The following CD300A variants were observed in gnomAD, a reference collection of about 807,000 sequenced individuals.
The protein encoded by CD300A is CD300a molecule.
A neutral mutation model predicts 33.6 loss-of-function variants in CD300A; 22 were observed. The observed-to-expected ratio is 0.66, with a 90% confidence interval of 0.47 to 0.94. CD300A has a LOEUF of 0.94. CD300A is among the 40% of genes least tolerant of loss of function. The pLI, the probability that CD300A is intolerant of heterozygous loss-of-function variation, is 0.00. For missense variants in CD300A, 326 were observed against 360.5 expected, an observed-to-expected ratio of 0.90 and a Z score of 0.77; for synonymous variants, 136 against 148.1, an observed-to-expected ratio of 0.92 and a Z score of 0.59.
rs191982899 is a variant in CD300A at position 74,473,142 on chromosome 17, G to A, written c.41-394G>A. 2.5e-3 allele frequency among the ~76,000 whole-genome samples: 385 copies of A among 152,204 alleles called. 1 individual carries two copies. The highest frequency in any genetic ancestry group is 4.0e-3 in the Non-Finnish European group (272 of 68,018). On this transcript the variant is annotated intron_variant, in intron 1 of 6. Transcript: ENST00000360141. ...AAGGGTAAGGGAAAGGAGGCAGGGG[G>A]CTGGAGAAAGGGGCTACTATGAGCA...
chr17:74,476,239 C>T (rs999364771), intron 3 of CD300A, among the ~76,000 whole-genome samples: 1 of 152,132 alleles, frequency 6.6e-6, no homozygotes, highest in Non-Finnish European at 1.5e-5. Context: ...CATCTCTTAC[C>T]AAAGTCCAGG....
intron 1 of CD300A, chr17:74,467,077 T>G (rs1598444001): frequency 9.7e-7 from 1 of 1,030,222 alleles, no homozygotes; most frequent in Non-Finnish European, 1.2e-6. Context: ...TCAGGGTGGG[T>G]GGAGAGTGGC....
In CD300A at chr17:74,466,732, T is replaced by C; in HGVS notation, c.29T>C (p.Leu10Pro). 1 of 1,595,068 alleles carries C rather than the reference T, an allele frequency of 6.3e-7. No homozygotes were observed. The highest frequency in any genetic ancestry group is 8.5e-7 in the Non-Finnish European group (1 of 1,170,406). MWLPWALLL[L>P]WVPGCFALSK... is the part of the protein sequence containing the mutation. ...TGGCTGCCTTGGGCTCTGTTGCTTC[T>C]CTGGGTCCCAGGTGAGAGTTTCCCT... The change falls in exon 1 of 7, where the codon CTC (leucine) becomes CCC (proline). Residue 10 changes from leucine to proline, a missense_variant. Leu to Pro is a moderately conservative substitution (Grantham distance 98, BLOSUM62 -3). Coordinates refer to ENST00000360141, the MANE Select transcript of CD300A (RefSeq NM_007261.4).
intron 3 of CD300A, among the ~76,000 whole-genome samples, chr17:74,477,231 C>T (rs1207985672): frequency 6.6e-6 from 1 of 151,916 alleles, no homozygotes; most frequent in African/African-American, 2.4e-5. Flanking sequence ...GCCGTGGTGG[C>T]CTGTGCCTGT....
intron 1 of CD300A, among the ~76,000 whole-genome samples, chr17:74,468,577 C>T (rs1410052062): frequency 6.6e-6 from 1 of 152,206 alleles, no homozygotes; most frequent in Non-Finnish European, 1.5e-5. Flanking sequence ...AAGGGATCCT[C>T]CCATCTTGTC....
intron 4 of CD300A, among the ~76,000 whole-genome samples, chr17:74,477,840 C>T (rs1368869154): frequency 1.3e-5 from 2 of 152,076 alleles, no homozygotes; most frequent in East Asian, 1.9e-4. Flanking sequence ...CAGTGGTGTG[C>T]ATCTGTAGTT....
chr17:74,481,602 C>G, intron 5 of CD300A, 124 bp from the exon 6 acceptor site: 2 of 726,024 alleles, frequency 2.8e-6, no homozygotes, highest in Non-Finnish European at 4.7e-6. Flanking sequence ...GGGGTGGAGG[C>G]AGGAAGGGGA....
At chr17:74,477,100 C>T (rs570905772) in intron 3 of CD300A, among the ~76,000 whole-genome samples, 9 of 152,254 alleles carry the variant, frequency 5.9e-5, no homozygotes, top group African/African-American at 1.9e-4. Flanking sequence ...GGTATATTGG[C>T]TCATGCCTGT....
intron 4 of CD300A, among the ~76,000 whole-genome samples, chr17:74,478,715 G>A (rs914267750): frequency 3.9e-5 from 6 of 152,178 alleles, no homozygotes; most frequent in South Asian, 2.1e-4. Flanking sequence ...GTGAGACTGG[G>A]GTGGGAAGAG....
At position 74,477,226 on chromosome 17, in the gene CD300A, G is replaced by A. The variant is rs936477084; in HGVS notation, c.534-210G>A. ...TACGAAAAATTTAAAAATTAGCCGT[G>A]GTGGCCTGTGCCTGTAGCTGGAGGC... On this transcript the variant is annotated intron_variant, in intron 3 of 6. Transcript: ENST00000360141. 1.6e-4 allele frequency among the ~76,000 whole-genome samples: 24 copies of A among 151,984 alleles called. 1 individual carries two copies. The highest frequency in any genetic ancestry group is 7.9e-4 in the Admixed American group (12 of 15,256).
chr17:74,469,630 G>A lies in CD300A; in HGVS notation c.40+2887G>A, dbSNP rs570508940. Among the ~76,000 whole-genome samples, 22 of 152,272 alleles carry A rather than the reference G, an allele frequency of 1.4e-4. 1 individual carries two copies. Among genetic ancestry groups the A allele is most frequent in the African/African-American group, 5.3e-4 (22 of 41,552 alleles). ...ACTTGAGGTCAGGAGTTTGAGACCA[G>A]CCTGGCCAACATGGTGAAACCCCGT... On this transcript the variant is annotated intron_variant, in intron 1 of 6. Transcript: ENST00000360141.
chr17:74,466,451 A>G (rs921291356), upstream of CD300A: 4 of 571,070 alleles, frequency 7.0e-6, no homozygotes, highest in African/African-American at 3.7e-5. Flanking sequence ...TCTCATCACT[A>G]GAAATAGCCG....
intron 2 of CD300A, among the ~76,000 whole-genome samples, chr17:74,474,288 G>T (rs1316939493): frequency 6.6e-6 from 1 of 152,102 alleles, no homozygotes; most frequent in African/African-American, 2.4e-5. Context: ...ATGGAGTTTC[G>T]CAGGAGCACC....
rs761536176 is a variant in CD300A, at chr17:74,484,026, A to G, written c.800A>G (p.Tyr267Cys). The change falls in exon 7 of 7, where the codon TAT becomes TGT. Residue 267 changes from tyrosine to cysteine, a missense_variant. By Grantham distance (194) the Tyr-to-Cys change is radical. Coordinates refer to ENST00000360141, the MANE Select transcript of CD300A (RefSeq NM_007261.4). ...TVASPREELH[Y>C]ASVVFDSNTN... ...GCCTCCCCCAGGGAAGAACTTCACT[A>G]TGCCTCGGTGGTGTTTGATTCTAAC... 1.9e-6 allele frequency: 3 copies of G among 1,613,600 alleles called. No individual in the cohort carries two copies. Among genetic ancestry groups the G allele is most frequent in the African/African-American group, 1.3e-5 (1 of 74,826 alleles).
Position 74,466,662 on chromosome 17 carries a change from C to T in CD300A, c.-42C>T, listed in dbSNP as rs1297136621. 2 of 1,574,376 alleles carry T rather than the reference C, an allele frequency of 1.3e-6. No individual in the cohort carries two copies. The highest frequency in any genetic ancestry group is 1.9e-5 in the Admixed American group (1 of 53,894). On this transcript the variant is annotated 5_prime_UTR_variant, in exon 1 of 7. Transcript: ENST00000360141. Reference sequence around the variant, plus strand: ...ACTTTCCCCTCGGGTCCAGGTAGGGCCTGGAGCTGCTGCAAGTGCCGCCTG... The same window carrying T: ...ACTTTCCCCTCGGGTCCAGGTAGGGTCTGGAGCTGCTGCAAGTGCCGCCTG...
chr17:74,474,979 T>C (rs1906368713), intron 3 of CD300A, among the ~76,000 whole-genome samples: 1 of 152,186 alleles, frequency 6.6e-6, no homozygotes, highest in Admixed American at 6.5e-5. Context: ...CTCACTTGCC[T>C]TTCACTGCAG....
At chr17:74,483,829 G>A (rs534327594) in intron 6 of CD300A, among the ~76,000 whole-genome samples, 172 bp from the exon 7 acceptor site, 110 of 152,314 alleles carry the variant, frequency 7.2e-4, no homozygotes, top group South Asian at 4.3e-3. Flanking sequence ...CCCAGTTGGG[G>A]AGGAGCAGCT....
Position 74,484,374 on chromosome 17 carries a change from C to T in CD300A, c.*248C>T, listed in dbSNP as rs534015646. 15 of 376,388 alleles carry T rather than the reference C, an allele frequency of 4.0e-5. 1 individual carries two copies. The highest frequency in any genetic ancestry group is 3.3e-4 in the South Asian group (10 of 30,564). The allele number at this position is 376,388 out of a possible 1,614,324, so 23.3% of individuals were successfully genotyped here. A position where few individuals can be genotyped will look rare whatever the true frequency, so the allele number is the denominator to read the frequency against. ...AGCCACCAGTGCCTGTCACCTCTTTCCCCTTTGCCCCTGCTTCATCCCAGC... is the reference window on the plus strand; with the variant it reads ...AGCCACCAGTGCCTGTCACCTCTTTTCCCTTTGCCCCTGCTTCATCCCAGC... On this transcript the variant is annotated 3_prime_UTR_variant, in exon 7 of 7. Transcript: ENST00000360141.
Position 74,473,650 on chromosome 17 carries a change from C to A in CD300A, c.155C>A (p.Pro52Gln), listed in dbSNP as rs1482619178. ...ACCCTCAACAAATACTGGTGCAGAC[C>A]ACCACAGATTTTCCTATGTGACAAG... ...HRTLNKYWCR[P>Q]PQIFLCDKIV... Residue 52 changes from proline (P) to glutamine (Q), a missense_variant, in exon 2 of 7, where the codon CCA becomes CAA. Pro to Gln is a moderately conservative substitution (Grantham distance 76). Coordinates refer to ENST00000360141, the MANE Select transcript of CD300A (RefSeq NM_007261.4). The A allele has an allele frequency of 1.9e-6, 3 of 1,614,090 alleles. No homozygotes were observed. The African/African-American group carries it at 4.0e-5, about 22-fold the overall frequency.
Sources: gnomAD v4.1 joint callset for allele counts (sites outside exome capture counted in the v4.1 genomes callset) on GRCh38, gnomAD v4.1.1 for gene constraint, MANE v1.5 for transcripts, NCBI Gene and HGNC (gene_info 2026-07-23, HGNC 2026-07-21) for gene names.